Variants in CDKL1 observed in about 807,000 individuals in gnomAD.
CDKL1 encodes the protein cyclin dependent kinase like 1, also known as cyclin-dependent kinase-like 1.
In CDKL1, 41 loss-of-function variants were observed where a neutral mutation model predicts 42.0. The ratio of observed to expected loss-of-function variants is 0.98; its 90% CI spans 0.76 to 1.27. The LOEUF (loss-of-function observed/expected upper bound fraction) is 1.27. Ranked by LOEUF, CDKL1 falls within the 50% of genes most tolerant of loss-of-function variation. The pLI is 0.00. For synonymous variants in CDKL1, 153 were observed against 158.6 expected (o/e 0.96, Z 0.26); for missense variants, 394 against 428.4 (o/e 0.92, Z 0.71).
At chr14:50,394,344 G>A (rs562746867) in intron 2 of CDKL1, among the ~76,000 whole-genome samples, 25 of 152,330 alleles carry the variant, frequency 1.6e-4, no homozygotes, top group Admixed American at 1.2e-3. Context: ...ACTCCCCTGC[G>A]GGGCTTTGGA....
At chr14:50,332,586 G>C in intron 8 of CDKL1, 154 bp from the exon 9 acceptor site, 1 of 1,485,270 alleles carries the variant, frequency 6.7e-7, no homozygotes, top group Middle Eastern at 1.7e-4. Context: ...GTTCCTTCCA[G>C]TCATTCCTAA....
At chr14:50,362,945 T>C (rs1394372161) in intron 2 of CDKL1, 1 of 463,884 alleles carries the variant, frequency 2.2e-6, no homozygotes, top group South Asian at 1.6e-5. Flanking sequence ...GCAATAAATC[T>C]TGCTGCTGCT....
At chr14:50,365,996 C>A (rs2034428227) in intron 2 of CDKL1, among the ~76,000 whole-genome samples, 1 of 152,172 alleles carries the variant, frequency 6.6e-6, no homozygotes, top group Non-Finnish European at 1.5e-5. Context: ...TGATGGCTTC[C>A]CTACTTTTGA....
chr14:50,372,937 T>A (rs565609872), intron 2 of CDKL1, among the ~76,000 whole-genome samples: 1 of 152,256 alleles, frequency 6.6e-6, no homozygotes, highest in East Asian at 1.9e-4. Flanking sequence ...AATTACTATA[T>A]TTTTATAAAA....
At chr14:50,377,602 G>A (rs762095384) in intron 2 of CDKL1, 66 of 1,358,212 alleles carry the variant, frequency 4.9e-5, no homozygotes, top group Non-Finnish European at 6.2e-5. Context: ...CAATCATGGA[G>A]CAGATGGCAA....
chr14:50,382,560 C>A (rs116874332), intron 2 of CDKL1, among the ~76,000 whole-genome samples: 1 of 144,478 alleles, frequency 6.9e-6, no homozygotes, highest in Non-Finnish European at 1.5e-5. Context: ...TTCCTTCCTT[C>A]CCTCCCTCCC....
At chr14:50,394,795 T>TC (rs1380066242) in intron 2 of CDKL1, among the ~76,000 whole-genome samples, 1 of 146,758 alleles carries the variant, frequency 6.8e-6, no homozygotes, top group Non-Finnish European at 1.5e-5. Flanking sequence ...TAAATACCTT[T>TC]CCCCCCTCTG....
At chr14:50,347,547 T>C (rs747171847) in intron 3 of CDKL1, among the ~76,000 whole-genome samples, 1 of 152,116 alleles carries the variant, frequency 6.6e-6, no homozygotes, top group Admixed American at 6.6e-5. Context: ...AAGAGAAGAA[T>C]CAAGGAATGA....
intron 3 of CDKL1, among the ~76,000 whole-genome samples, chr14:50,354,796 T>C (rs1432947290): frequency 2.0e-5 from 3 of 152,168 alleles, no homozygotes; most frequent in Non-Finnish European, 2.9e-5. Context: ...GTTACAAGCA[T>C]GTTAATAAGA....
intron 4 of CDKL1, chr14:50,343,084 C>G (rs1302681921): frequency 7.8e-7 from 1 of 1,281,246 alleles, no homozygotes; most frequent in African/African-American, 1.6e-5. Flanking sequence ...GTTTGAGAAT[C>G]TTCACATGAT....
chr14:50,343,168 T>A (rs1210565082), intron 4 of CDKL1: 1 of 511,680 alleles, frequency 2.0e-6, no homozygotes, highest in Admixed American at 4.4e-5. Context: ...TTTTTTTTTT[T>A]TTTTTTGAGT....
intron 2 of CDKL1, among the ~76,000 whole-genome samples, chr14:50,379,439 A>G (rs1048740699): frequency 2.6e-5 from 4 of 152,180 alleles, no homozygotes; most frequent in African/African-American, 9.7e-5. Context: ...TGGGTGGGGT[A>G]GACAGGCTTG....
chr14:50,377,656 G>C (rs1026572487), intron 2 of CDKL1: 3 of 1,356,912 alleles, frequency 2.2e-6, no homozygotes, highest in Non-Finnish European at 2.9e-6. Flanking sequence ...GAGGAGCCCA[G>C]GGAGGTGTAG....
At chr14:50,385,577 G>A (rs1371454122) in intron 2 of CDKL1, among the ~76,000 whole-genome samples, 1 of 152,064 alleles carries the variant, frequency 6.6e-6, no homozygotes, top group East Asian at 1.9e-4. Flanking sequence ...AGGCCAAGGC[G>A]GGTGGATCAC....
chr14:50,333,788 GTAAA>G (rs1375814446), intron 8 of CDKL1: 16 of 151,832 alleles, frequency 1.1e-4, no homozygotes, highest in Admixed American at 3.9e-4. Context: ...TAATACATCA[GTAAA>G]TAAATAATTT....
chr14:50,388,947 A>T (rs939025108), intron 2 of CDKL1, among the ~76,000 whole-genome samples: 3 of 151,336 alleles, frequency 2.0e-5, no homozygotes, highest in Non-Finnish European at 2.9e-5. Flanking sequence ...AAAATACAAA[A>T]ATTAGCTGGG....
Position 50,328,678 on chromosome 14 carries a change from A to G in CDKL1, c.*1396T>C, listed in dbSNP as rs2032794762. 1 of 152,178 alleles carries G rather than the reference A, an allele frequency of 6.6e-6. No homozygotes were observed. Among genetic ancestry groups the G allele is most frequent in the Non-Finnish European group, 1.5e-5 (1 of 68,042 alleles). The allele number at this position is 152,178 out of a possible 1,614,324, so 9.4% of individuals were successfully genotyped here. ...AAAAAGCTTTTTGATTAAGAGCAGT[A>G]GACCAAATCAAAGCTAATTATGTCA... is the stretch of plus-strand genomic sequence containing the variant. On this transcript the variant is annotated 3_prime_UTR_variant, in exon 10 of 10. Coordinates refer to ENST00000395834, the MANE Select transcript of CDKL1 (RefSeq NM_004196.7).
intron 7 of CDKL1, chr14:50,336,163 T>G (rs559608997): frequency 6.6e-6 from 9 of 1,364,084 alleles, no homozygotes; most frequent in Non-Finnish European, 7.8e-6. Flanking sequence ...TGTGAGCGTT[T>G]CACAGCCCCA....
intron 7 of CDKL1, among the ~76,000 whole-genome samples, chr14:50,337,439 A>G (rs919270273): frequency 6.8e-6 from 1 of 146,996 alleles, no homozygotes; most frequent in South Asian, 2.2e-4. Flanking sequence ...GTAACCTCAA[A>G]CTCCTGGGCT....
Sources: allele counts gnomAD v4.1 joint callset (sites outside exome capture counted in the v4.1 genomes callset), GRCh38; gene constraint gnomAD v4.1.1; transcripts MANE v1.5; gene names NCBI Gene and HGNC (gene_info 2026-07-23, HGNC 2026-07-21).